Variants in PLA2G3 observed in about 807,000 individuals in gnomAD.
PLA2G3 encodes the protein group 3 secretory phospholipase A2.
PLA2G3 carries 39 observed loss-of-function variants against 51.3 expected under a neutral mutation model. The observed-to-expected ratio is 0.76, with a 90% CI of 0.59 to 0.99. The LOEUF (loss-of-function observed/expected upper bound fraction) is 0.99. Among genes scored for constraint, PLA2G3 ranks in the 50% least tolerant of loss-of-function variants. The probability of loss-of-function intolerance (pLI) is 0.00; values close to 1 mark genes in which losing one functional copy is unlikely to be tolerated. For missense variants in PLA2G3, 677 were observed against 662.1 expected (o/e 1.02, Z -0.25); for synonymous variants, 293 against 263.1 (o/e 1.11, Z -1.10).
Position 31,135,868 on chromosome 22 carries a change from T to C in PLA2G3, c.1385A>G (p.His462Arg), listed in dbSNP as rs1922527709. ...RHLRRLQQRRHQLQDKGTDER... is the reference protein window; with the variant it reads ...RHLRRLQQRRRQLQDKGTDER... ...ATCTGTGCCTTTATCCTGGAGCTGG[T>C]GTCGCCTCTGCTGAAGCCTCCGCAA... is the stretch of plus-strand genomic sequence containing the variant. Residue 462 changes from histidine (H) to arginine (R), a missense_variant, in exon 7 of 7, where the codon CAC (histidine) becomes CGC (arginine). By Grantham distance (29) the His-to-Arg change is conservative. Coordinates refer to ENST00000215885, the MANE Select transcript of PLA2G3 (RefSeq NM_015715.5). 1.2e-6 allele frequency: 2 copies of C among 1,613,792 alleles called. No homozygotes were observed. The highest frequency in any genetic ancestry group is 1.7e-6 in the Non-Finnish European group (2 of 1,180,040).
At chr22:31,138,870 C>T in intron 1 of PLA2G3, 71 bp from the exon 2 acceptor site, 1 of 1,527,894 alleles carries the variant, frequency 6.5e-7, no homozygotes, top group Non-Finnish European at 9.0e-7. Flanking sequence ...CTATGCCCCC[C>T]TGGTAGGAAG....
chr22:31,135,850 C>T lies in PLA2G3; in HGVS notation c.1403G>A (p.Gly468Asp). 1.2e-6 allele frequency: 2 copies of T among 1,613,970 alleles called. No homozygotes were observed. Among genetic ancestry groups the T allele is most frequent in the Non-Finnish European group, 8.5e-7 (1 of 1,180,032 alleles). The change falls in exon 7 of 7, where the codon GGC (glycine) becomes GAC (aspartate). Residue 468 changes from glycine (G) to aspartate (D), a missense_variant. Coordinates refer to ENST00000215885, the MANE Select transcript of PLA2G3 (RefSeq NM_015715.5). Reference protein sequence around the residue: ...QQRRHQLQDKGTDERQPWPSE... With the variant: ...QQRRHQLQDKDTDERQPWPSE... ...AGGCCATGGCTGCCTCTCATCTGTGCCTTTATCCTGGAGCTGGTGTCGCCT... is the reference window on the plus strand; with the variant it reads ...AGGCCATGGCTGCCTCTCATCTGTGTCTTTATCCTGGAGCTGGTGTCGCCT...
At chr22:31,139,271 T>C (rs968291391) in intron 1 of PLA2G3, among the ~76,000 whole-genome samples, 3 of 152,204 alleles carry the variant, frequency 2.0e-5, no homozygotes, top group Non-Finnish European at 4.4e-5. Flanking sequence ...CACAGACATC[T>C]GTACTGATAG....
In PLA2G3 at chr22:31,136,914, G is replaced by A. The variant is rs767524451; in HGVS notation, c.1193C>T (p.Thr398Met). The A allele has an allele frequency of 2.3e-5, 37 of 1,608,974 alleles. No homozygotes were observed. Among genetic ancestry groups the A allele is most frequent in the Middle Eastern group, 1.7e-4 (1 of 6,050 alleles). ...GGGTTCAAAGGGGCCTCACCGGCGC[G>A]TGCAGTTGCAGTGGAAGAGGGGCTC... ...AQEPLFHCNCTRRLARFLRLH... is the reference protein window; with the variant it reads ...AQEPLFHCNCMRRLARFLRLH... Residue 398 changes from threonine (T) to methionine (M), a missense_variant, in exon 5 of 7, where the codon ACG becomes ATG. Physicochemically the swap from Thr to Met is moderately conservative, Grantham distance 81. Coordinates refer to ENST00000215885, the MANE Select transcript of PLA2G3 (RefSeq NM_015715.5).
chr22:31,138,903 C>T, intron 1 of PLA2G3, 104 bp from the exon 2 acceptor site: 1 of 1,151,798 alleles, frequency 8.7e-7, no homozygotes, highest in Admixed American at 2.1e-5. Flanking sequence ...TGGTTCTCAC[C>T]CCAGCCCTGA....
chr22:31,136,145 C>T (rs1486092089), intron 6 of PLA2G3, among the ~76,000 whole-genome samples: 2 of 152,220 alleles, frequency 1.3e-5, no homozygotes, highest in Non-Finnish European at 2.9e-5. Context: ...CTGTGGAAAC[C>T]TGAGCCAGAA....
chr22:31,136,861 GC>G, intron 5 of PLA2G3, 46 bp downstream of exon 5: 1 of 1,601,800 alleles, frequency 6.2e-7, no homozygotes, highest in Non-Finnish European at 8.5e-7. Flanking sequence ...CCCTTCCCAT[GC>G]CTGGCAGCAG....
Position 31,140,486 on chromosome 22 carries a change from G to T in PLA2G3, c.-132C>A. 1.0e-6 allele frequency: 1 copy of T among 985,856 alleles called. No homozygotes were observed. The highest frequency in any genetic ancestry group is 1.5e-6 in the Non-Finnish European group (1 of 679,372). The allele number at this position is 985,856 out of a possible 1,614,324, so 61.1% of individuals were successfully genotyped here. ...CGGTGCGGCGGGACCAATGAATGGA[G>T]CTGCGGGAGGAGGAGGAAAGAGGCT... On this transcript the variant is annotated 5_prime_UTR_variant, in exon 1 of 7. Coordinates refer to ENST00000215885, the MANE Select transcript of PLA2G3 (RefSeq NM_015715.5).
rs1383980662 is a variant in PLA2G3, at chr22:31,135,369, A to T, written c.*354T>A. ...TATTATTTTTGCAACACGGACATAC[A>T]TGTACCTCCTCCTGGTACTGCCTGG... On this transcript the variant is annotated 3_prime_UTR_variant, in exon 7 of 7. Coordinates refer to ENST00000215885, the MANE Select transcript of PLA2G3 (RefSeq NM_015715.5). 3 of 269,530 alleles carry T rather than the reference A, an allele frequency of 1.1e-5. No individual in the cohort carries two copies. The allele number at this position is 269,530 out of a possible 1,614,324, so 16.7% of individuals were successfully genotyped here.
intron 2 of PLA2G3, 43 bp from the exon 3 acceptor site, chr22:31,138,453 T>C (rs1692929383): frequency 2.5e-6 from 4 of 1,606,370 alleles, no homozygotes; most frequent in African/African-American, 1.3e-5. Context: ...CATGGAGGGC[T>C]GTCTGGCTCC....
intron 2 of PLA2G3, 55 bp downstream of exon 2, chr22:31,138,612 A>G: frequency 6.3e-7 from 1 of 1,587,828 alleles, no homozygotes; most frequent in Non-Finnish European, 8.6e-7. Flanking sequence ...TTACCCAGGA[A>G]CTGGGTAACT....
intron 4 of PLA2G3, among the ~76,000 whole-genome samples, chr22:31,137,377 G>A (rs1476784924): frequency 2.6e-5 from 4 of 152,226 alleles, no homozygotes; most frequent in Non-Finnish European, 5.9e-5. Context: ...CACGGTAGGA[G>A]AGAGCCTGGC....
Position 31,136,682 on chromosome 22 carries a change from C to T in PLA2G3, c.1316+1G>A, listed in dbSNP as rs1282732305. On this transcript the variant is annotated splice_donor_variant, in intron 6 of 6. Transcript: ENST00000215885. LOFTEE classifies it high-confidence loss of function. ...TCCCTCCTGGCTCTGACATCACTTA[C>T]TTTTTGCCTTCCACACAGTCCAGTG... is the stretch of plus-strand genomic sequence containing the variant. 2 of 1,612,502 alleles carry T rather than the reference C, an allele frequency of 1.2e-6. No homozygotes were observed.
rs778332438 is a variant in PLA2G3, at chr22:31,138,416, C to G, written c.648-6G>C. 6.2e-7 allele frequency: 1 copy of G among 1,613,712 alleles called. No homozygotes were observed. Among genetic ancestry groups the G allele is most frequent in the East Asian group, 2.2e-5 (1 of 44,874 alleles). On this transcript the variant is annotated splice_polypyrimidine_tract_variant and splice_region_variant and intron_variant, in intron 2 of 6. Coordinates refer to ENST00000215885, the MANE Select transcript of PLA2G3 (RefSeq NM_015715.5). ...TCTGTAGGCATTGCTGAAACCTGCC[C>G]CAGAACAGATACCCAGGACCCTGGG...
At position 31,136,947 on chromosome 22, in the gene PLA2G3, C is replaced by G; in HGVS notation, c.1160G>C (p.Ser387Thr). 6.2e-7 allele frequency: 1 copy of G among 1,601,878 alleles called. No individual in the cohort carries two copies. The highest frequency in any genetic ancestry group is 8.5e-7 in the Non-Finnish European group (1 of 1,174,702). Residue 387 changes from serine (S) to threonine (T), a missense_variant, in exon 5 of 7, where the codon AGC becomes ACC. Ser to Thr is a moderately conservative substitution (Grantham distance 58). Transcript: ENST00000215885. Reference protein sequence around the residue: ...PREIEFQLLNSAQEPLFHCNC... With the variant: ...PREIEFQLLNTAQEPLFHCNC... Reference sequence around the variant, plus strand: ...GCAGTGGAAGAGGGGCTCTTGGGCGCTGTTGAGCAGCTGGAACTCGATTTC... The same window carrying G: ...GCAGTGGAAGAGGGGCTCTTGGGCGGTGTTGAGCAGCTGGAACTCGATTTC...
chr22:31,137,073 A>G (rs915682280), intron 4 of PLA2G3, 33 bp from the exon 5 acceptor site: 29 of 1,484,702 alleles, frequency 2.0e-5, no homozygotes, highest in Non-Finnish European at 2.4e-5. Flanking sequence ...ATGGGAGCCC[A>G]ATCCACCAGG....
At chr22:31,136,320 T>G (rs1212591873) in intron 6 of PLA2G3, among the ~76,000 whole-genome samples, 1 of 152,124 alleles carries the variant, frequency 6.6e-6, no homozygotes, top group Non-Finnish European at 1.5e-5. Flanking sequence ...CAAATGAGAT[T>G]GTGGATTAGG....
chr22:31,139,246 C>T (rs1451186781), intron 1 of PLA2G3, among the ~76,000 whole-genome samples: 1 of 152,212 alleles, frequency 6.6e-6, no homozygotes, highest in Non-Finnish European at 1.5e-5. Flanking sequence ...CCTCCCCCAA[C>T]CCTGCACACA....
At chr22:31,136,886 C>G in intron 5 of PLA2G3, 22 bp downstream of exon 5, 1 of 1,607,468 alleles carries the variant, frequency 6.2e-7, no homozygotes, top group Non-Finnish European at 8.5e-7. Flanking sequence ...GCCCACCCCG[C>G]GAGGGTTCAA....
Sources: allele counts gnomAD v4.1 joint callset (sites outside exome capture counted in the v4.1 genomes callset), GRCh38; gene constraint gnomAD v4.1.1; transcripts MANE v1.5; gene names NCBI Gene and HGNC (gene_info 2026-07-23, HGNC 2026-07-21).